The following SETD1B variants were observed in gnomAD, a reference collection of about 807,000 sequenced individuals.
SETD1B encodes histone-lysine N-methyltransferase SETD1B.
Under a neutral mutation model 148.0 loss-of-function variants are expected in SETD1B, and 7 were observed. The ratio of observed to expected loss-of-function variants is 0.05; its 90% CI spans 0.03 to 0.09. The LOEUF (loss-of-function observed/expected upper bound fraction) is 0.09. Among genes scored for constraint, SETD1B ranks in the 10% least tolerant of loss-of-function variants. The probability of loss-of-function intolerance (pLI) is 1.00; values close to 1 mark genes in which losing one functional copy is unlikely to be tolerated. For missense variants in SETD1B, 2,155 were observed against 2,729.9 expected (o/e 0.79, Z 4.69); for synonymous variants, 1,361 against 1,186.5 (o/e 1.15, Z -3.02).
At chr12:121,799,731 T>TGGGGGGGGGGGGGG (rs1308261766), upstream of SETD1B, 6 of 31,710 alleles carry the variant, frequency 1.9e-4, no homozygotes, top group Admixed American at 6.0e-4. Context: ...GGGGGGGGGG[T>TGGGGGGGGGGGGGG]GGGGTGGGGC....
chr12:121,804,724 G>C lies in SETD1B; in HGVS notation c.-14G>C. On this transcript the variant is annotated splice_region_variant and 5_prime_UTR_variant, in exon 2 of 17. The change abolishes an upstream ATG in the 5' untranslated region. Transcript: ENST00000604567. This position sits in a 1 kb window ranked among gnomAD's most constrained non-coding sequence, Gnocchi z 4.6. ...ACGACAACAACTTGCTGGTTTTCAG[G>C]TTGGGTTAACGGCATGGAGAACAGT... is the stretch of plus-strand genomic sequence containing the variant. The C allele has an allele frequency of 6.5e-7, 1 of 1,548,222 alleles. No individual in the cohort carries two copies. Among genetic ancestry groups the C allele is most frequent in the Non-Finnish European group, 8.7e-7 (1 of 1,146,286 alleles).
upstream of SETD1B, chr12:121,799,901 G>A (rs1041268688): frequency 6.6e-6 from 1 of 152,378 alleles, no homozygotes; most frequent in Non-Finnish European, 1.5e-5. Flanking sequence ...GTTGACAGAA[G>A]GAAAGATTGT....
the SETD1B span, among the ~76,000 whole-genome samples, chr12:121,796,487 G>A: frequency 6.6e-5 from 10 of 152,338 alleles, no homozygotes; most frequent in East Asian, 1.9e-4. Flanking sequence ...TGGAGGCAAC[G>A]CTGTGGCACC....
rs1340098922 is a variant in SETD1B, at chr12:121,817,260, G to A, written c.2943G>A (p.Leu981=). Residue 981 remains leucine, a synonymous_variant, in exon 8 of 17, where the codon CTG becomes CTA. Coordinates refer to ENST00000604567, the MANE Select transcript of SETD1B (RefSeq NM_001353345.2). This position sits in a 1 kb window ranked among gnomAD's most constrained non-coding sequence, Gnocchi z 8.1. Reference sequence around the variant, plus strand: ...CCTCATCTGGCGACCAGAAGCGGCTGCGGCCCTCGACCTCTGTGGATGAGG... The same window carrying A: ...CCTCATCTGGCGACCAGAAGCGGCTACGGCCCTCGACCTCTGTGGATGAGG... ...DTTSSGDQKR[L]RPSTSVDEED... The A allele has an allele frequency of 6.4e-7, 1 of 1,550,874 alleles. No homozygotes were observed. The highest frequency in any genetic ancestry group is 2.4e-5 in the East Asian group (1 of 40,928).
At chr12:121,798,673 C>A in the SETD1B span, among the ~76,000 whole-genome samples, 1 of 152,234 alleles carries the variant, frequency 6.6e-6, no homozygotes, top group Non-Finnish European at 1.5e-5. Flanking sequence ...TCCGAACAGG[C>A]CCCCAGAGCT....
Position 121,806,123 on chromosome 12 carries a change from G to T in SETD1B, c.544+18G>T. The T allele has an allele frequency of 3.2e-6, 5 of 1,546,924 alleles. No homozygotes were observed. Among genetic ancestry groups the T allele is most frequent in the Non-Finnish European group, 4.4e-6 (5 of 1,143,638 alleles). ...CACCAAAGGTGAGCCTGGCAGGGGA[G>T]GAGCGTGGGGAGACCTGTCAGCCCG... On this transcript the variant is annotated intron_variant, in intron 4 of 16. Transcript: ENST00000604567.
chr12:121,817,581 G>C lies in SETD1B; in HGVS notation c.3189G>C (p.Ser1063=), dbSNP rs1414424089. ...SGSSTTSPSS[S]ASDKEEEQES... ...CCTCAACCACCTCACCCTCGTCCTC[G>C]GCCTCCGACAAGGAGGAGGAACAGG... The change falls in exon 9 of 17, where the codon TCG becomes TCC. Residue 1063 remains serine (S), a synonymous_variant. Transcript: ENST00000604567. The surrounding 1 kb of genome is among the most constrained non-coding windows in gnomAD (Gnocchi z 8.1). 6.4e-7 allele frequency: 1 copy of C among 1,551,210 alleles called. No individual in the cohort carries two copies. Among genetic ancestry groups the C allele is most frequent in the East Asian group, 2.4e-5 (1 of 40,916 alleles).
In SETD1B at chr12:121,810,792, A is replaced by G; in HGVS notation, c.1847A>G (p.Asp616Gly). ...AGCCAGACAGCTGAGGTGGCCTTGG[A>G]CCTGGTTGGAGACAGAACCCCGACC... The part of the protein sequence containing the change: ...LLSQTAEVAL[D>G]LVGDRTPTSE... The change falls in exon 6 of 17, where the codon GAC becomes GGC. Residue 616 changes from aspartate to glycine, a missense_variant. Physicochemically the swap from Asp to Gly is moderately conservative, Grantham distance 94 (BLOSUM62 -1). Coordinates refer to ENST00000604567, the MANE Select transcript of SETD1B (RefSeq NM_001353345.2). This position sits in a 1 kb window ranked among gnomAD's most constrained non-coding sequence, Gnocchi z 7.6. 6.5e-7 allele frequency: 1 copy of G among 1,537,264 alleles called. No individual in the cohort carries two copies. The highest frequency in any genetic ancestry group is 8.8e-7 in the Non-Finnish European group (1 of 1,137,482).
intron 13 of SETD1B, among the ~76,000 whole-genome samples, chr12:121,826,442 G>T (rs1876845055): frequency 6.6e-6 from 1 of 152,156 alleles, no homozygotes; most frequent in Non-Finnish European, 1.5e-5. Context: ...TAAAACCAGA[G>T]AGGGGCTCAC....
At position 121,822,538 on chromosome 12, in the gene SETD1B, C is replaced by T. The variant is rs893820591; in HGVS notation, c.3959C>T (p.Pro1320Leu). Residue 1320 changes from proline (P) to leucine (L), a missense_variant, in exon 12 of 17, where the codon CCG becomes CTG. Coordinates refer to ENST00000604567, the MANE Select transcript of SETD1B (RefSeq NM_001353345.2). ...GAGCCCCCTATGATGCTCCCCTTGCCGCTGCAACCACCATTGCCGCCCCCA... is the reference window on the plus strand; with the variant it reads ...GAGCCCCCTATGATGCTCCCCTTGCTGCTGCAACCACCATTGCCGCCCCCA... ...EPEPPMMLPL[P>L]LQPPLPPPRP... The T allele has an allele frequency of 1.4e-5, 22 of 1,550,646 alleles. No individual in the cohort carries two copies. The highest frequency in any genetic ancestry group is 8.2e-5 in the African/African-American group (6 of 72,976).
At chr12:121,821,081 T>C (rs926429834) in intron 11 of SETD1B, among the ~76,000 whole-genome samples, 14 of 152,180 alleles carry the variant, frequency 9.2e-5, no homozygotes, top group Admixed American at 7.2e-4. Flanking sequence ...TCTGTGTGTA[T>C]TGAGGGACGA....
At chr12:121,825,604 G>C (rs1429286214) in intron 13 of SETD1B, among the ~76,000 whole-genome samples, 2 of 152,104 alleles carry the variant, frequency 1.3e-5, no homozygotes, top group African/African-American at 4.8e-5. Flanking sequence ...ATGTGACGGA[G>C]CTGTATTTCC....
At chr12:121,812,276 T>C (rs1373975816) in intron 6 of SETD1B, among the ~76,000 whole-genome samples, 2 of 152,150 alleles carry the variant, frequency 1.3e-5, no homozygotes, top group Admixed American at 1.3e-4. Flanking sequence ...AGGGGGGGCT[T>C]TTCTTCTAAA....
chr12:121,824,531 C>T (rs1402388648), intron 12 of SETD1B, among the ~76,000 whole-genome samples: 2 of 152,082 alleles, frequency 1.3e-5, no homozygotes, highest in Non-Finnish European at 2.9e-5. Flanking sequence ...CCTATAATTC[C>T]AGCTACTCTG....
chr12:121,806,923 C>G (rs1320960457), intron 4 of SETD1B, among the ~76,000 whole-genome samples: 1 of 152,160 alleles, frequency 6.6e-6, no homozygotes, highest in Non-Finnish European at 1.5e-5. Flanking sequence ...AAGCTCCCAC[C>G]TATAAAAGAA....
At position 121,819,449 on chromosome 12, in the gene SETD1B, C is replaced by A; in HGVS notation, c.3464C>A (p.Ser1155Tyr). The change falls in exon 11 of 17, where the codon TCC becomes TAC. Residue 1155 changes from serine (S) to tyrosine (Y), a missense_variant. By Grantham distance (144) the Ser-to-Tyr change is moderately radical. This residue lies in a region of SETD1B where 862 missense variants were observed against 873.8 expected (regional missense o/e 0.99). Transcript: ENST00000604567. ...IVTSKAEATS[S>Y]SESSESSEFE... ...ACCTCCAAGGCCGAAGCCACGTCGT[C>A]CAGTGAGAGTTCCGAGTCTTCTGAG... is the stretch of plus-strand genomic sequence containing the variant. 6.4e-7 allele frequency: 1 copy of A among 1,552,198 alleles called. No individual in the cohort carries two copies. The highest frequency in any genetic ancestry group is 8.7e-7 in the Non-Finnish European group (1 of 1,147,128).
In SETD1B at chr12:121,819,788, C is replaced by A. The variant is rs565436724; in HGVS notation, c.3803C>A (p.Pro1268Gln). ...GVEEPADSRE[P>Q]PEEPGLSQEG... ...GAAGAGCCAGCGGACTCCAGGGAGC[C>A]GCCTGAGGAACCAGGCCTGAGCCAG... The change falls in exon 11 of 17, where the codon CCG becomes CAG. Residue 1268 changes from proline (P) to glutamine (Q), a missense_variant. By Grantham distance (76) the Pro-to-Gln change is moderately conservative. Coordinates refer to ENST00000604567, the MANE Select transcript of SETD1B (RefSeq NM_001353345.2). The A allele has an allele frequency of 6.4e-6, 10 of 1,551,486 alleles. No homozygotes were observed. The highest frequency in any genetic ancestry group is 8.7e-6 in the Non-Finnish European group (10 of 1,146,970).
At chr12:121,822,128 C>G (rs906519122) in intron 11 of SETD1B, among the ~76,000 whole-genome samples, 3 of 152,122 alleles carry the variant, frequency 2.0e-5, no homozygotes, top group African/African-American at 7.2e-5. Context: ...GAGATAAGTG[C>G]TAGGAAAAAA....
At chr12:121,813,852 A>T (rs1876153873) in intron 6 of SETD1B, among the ~76,000 whole-genome samples, 1 of 152,154 alleles carries the variant, frequency 6.6e-6, no homozygotes, top group Non-Finnish European at 1.5e-5. Flanking sequence ...CACCTAGACC[A>T]GTGCCTGGCA....
Sources: allele counts gnomAD v4.1 joint callset (sites outside exome capture counted in the v4.1 genomes callset), GRCh38; gene constraint gnomAD v4.1.1; regional missense constraint gnomAD v4.1.1; non-coding constraint Gnocchi (gnomAD v3.1); transcripts MANE v1.5; gene names NCBI Gene and HGNC (gene_info 2026-07-23, HGNC 2026-07-21).